The following ARL6IP4 variants were observed in gnomAD, a reference collection of about 807,000 sequenced individuals.
ARL6IP4 encodes the protein ADP-ribosylation factor-like protein 6-interacting protein 4.
Under a neutral mutation model 28.1 loss-of-function variants are expected in ARL6IP4, and 24 were observed. The ratio of observed to expected loss-of-function variants is 0.86; its 90% CI spans 0.62 to 1.20. ARL6IP4 has a LOEUF of 1.20. ARL6IP4 is among the 50% of genes most tolerant of loss of function. The pLI is 0.00. For missense variants in ARL6IP4, 343 were observed against 302.4 expected (o/e 1.13, Z -1.00); for synonymous variants, 162 against 122.3 (o/e 1.32, Z -2.14).
upstream of ARL6IP4, chr12:122,980,477 G>T: frequency 2.2e-6 from 3 of 1,364,624 alleles, no homozygotes; most frequent in South Asian, 1.9e-5. Context: ...TGCTGCGGGC[G>T]TGCGCCGAGA....
chr12:122,982,685 G>T lies in ARL6IP4; in HGVS notation c.*9G>T, dbSNP rs376742442. The T allele has an allele frequency of 2.5e-6, 4 of 1,613,020 alleles. No individual in the cohort carries two copies. The East Asian group carries it at 8.9e-5, about 36-fold the overall frequency. ...CTGGGTTGCTTCCCTGAGGGCCCCC[G>T]CTGGCCAAGGCCTGTGGACGACGCT... is the stretch of plus-strand genomic sequence containing the variant. On this transcript the variant is annotated 3_prime_UTR_variant, in exon 6 of 6. Transcript: ENST00000315580.
upstream of ARL6IP4, chr12:122,980,661 G>T (rs963674049): frequency 4.7e-5 from 65 of 1,375,548 alleles, no homozygotes; most frequent in Non-Finnish European, 5.9e-5. Context: ...AGCCTCCCGC[G>T]CAGCGCCCCG....
upstream of ARL6IP4, chr12:122,980,321 G>T: frequency 7.7e-7 from 1 of 1,295,762 alleles, no homozygotes. Context: ...ACGAGTTTGC[G>T]ACCTCTGAGT....
At chr12:122,980,468 G>T, upstream of ARL6IP4, 1 of 1,363,802 alleles carries the variant, frequency 7.3e-7, no homozygotes. Context: ...GGGCGTGGGT[G>T]CTGCGGGCGT....
chr12:122,980,553 C>T (rs1196158174), upstream of ARL6IP4: 5 of 1,353,166 alleles, frequency 3.7e-6, no homozygotes, highest in African/African-American at 1.5e-5. Flanking sequence ...AGCTCGAGGG[C>T]CGGCGCCCCT....
intron 4 of ARL6IP4, 89 bp downstream of exon 4, chr12:122,982,163 G>T: frequency 6.8e-7 from 1 of 1,476,258 alleles, no homozygotes; most frequent in Non-Finnish European, 9.4e-7. Flanking sequence ...GCCGGGCGGG[G>T]TTCCTGGTGC....
upstream of ARL6IP4, chr12:122,980,306 C>G: frequency 4.7e-6 from 6 of 1,285,594 alleles, no homozygotes; most frequent in Middle Eastern, 3.0e-4. Context: ...CTGGCCCCTA[C>G]GGACACGAGT....
In ARL6IP4 at chr12:122,981,998, C is replaced by T. The variant is rs139199990; in HGVS notation, c.511C>T (p.Pro171Ser). 3.7e-6 allele frequency: 6 copies of T among 1,613,618 alleles called. No individual in the cohort carries two copies. In the African/African-American group the frequency reaches 8.0e-5, roughly 22 times the overall value. The change falls in exon 4 of 6, where the codon CCC becomes TCC. Residue 171 changes from proline (P) to serine (S), a missense_variant. Transcript: ENST00000315580. ...EQKSRIQAMK[P>S]MTKEEWDARQ... ...GAAGTCCCGAATCCAGGCCATGAAGCCCATGACCAAGGAGGAGTGGGATGC... is the reference window on the plus strand; with the variant it reads ...GAAGTCCCGAATCCAGGCCATGAAGTCCATGACCAAGGAGGAGTGGGATGC...
Position 122,981,632 on chromosome 12 carries a change from C to G in ARL6IP4, c.222C>G (p.Ser74=). Residue 74 remains serine (S), a synonymous_variant, in exon 3 of 6, where the codon TCC becomes TCG. Coordinates refer to ENST00000315580, the MANE Select transcript of ARL6IP4 (RefSeq NM_018694.4). ...AGAAGGCCCGGAGGAGAACAAGATCCAGCTCCTCCTCCTCTTCTTCCAGTT... is the reference window on the plus strand; with the variant it reads ...AGAAGGCCCGGAGGAGAACAAGATCGAGCTCCTCCTCCTCTTCTTCCAGTT... ...SKQKARRRTR[S]SSSSSSSSSS... is the part of the protein sequence containing the mutation. 2 of 1,561,204 alleles carry G rather than the reference C, an allele frequency of 1.3e-6. No homozygotes were observed. The highest frequency in any genetic ancestry group is 1.7e-6 in the Non-Finnish European group (2 of 1,153,878).
chr12:122,981,360 C>G, intron 2 of ARL6IP4, 61 bp downstream of exon 2: 1 of 1,501,922 alleles, frequency 6.7e-7, no homozygotes, highest in Admixed American at 2.2e-5. Flanking sequence ...GTCGGGCGAG[C>G]AGTGGTCGGG....
At position 122,981,963 on chromosome 12, in the gene ARL6IP4, C is replaced by G. The variant is rs751613647; in HGVS notation, c.476C>G (p.Thr159Arg). ...AGEEEDGPVLTDEQKSRIQAM... is the reference protein window; with the variant it reads ...AGEEEDGPVLRDEQKSRIQAM... Reference sequence around the variant, plus strand: ...CCTCCGTCTTCCCTTCCAGTCCTGACGGATGAGCAGAAGTCCCGAATCCAG... The same window carrying G: ...CCTCCGTCTTCCCTTCCAGTCCTGAGGGATGAGCAGAAGTCCCGAATCCAG... Residue 159 changes from threonine (T) to arginine (R), a missense_variant, in exon 4 of 6, where the codon ACG becomes AGG. By Grantham distance (71) the Thr-to-Arg change is moderately conservative (BLOSUM62 -1). Coordinates refer to ENST00000315580, the MANE Select transcript of ARL6IP4 (RefSeq NM_018694.4). 1.2e-6 allele frequency: 2 copies of G among 1,613,700 alleles called. No homozygotes were observed. Among genetic ancestry groups the G allele is most frequent in the Non-Finnish European group, 8.5e-7 (1 of 1,180,020 alleles).
chr12:122,980,418 G>A (rs2135966293), upstream of ARL6IP4: 5 of 1,366,130 alleles, frequency 3.7e-6, no homozygotes, highest in Non-Finnish European at 4.7e-6. Context: ...CGGGGAGGAG[G>A]GCGGCGCGCG....
intron 2 of ARL6IP4, 111 bp from the exon 3 acceptor site, chr12:122,981,460 A>G (rs1594105990): frequency 7.2e-7 from 1 of 1,391,112 alleles, no homozygotes; most frequent in Non-Finnish European, 9.5e-7. Context: ...GGGAAGCTCC[A>G]TCTCTGTTCT....
At chr12:122,981,089 C>A in intron 1 of ARL6IP4, 40 bp from the exon 2 acceptor site, 8 of 1,539,340 alleles carry the variant, frequency 5.2e-6, no homozygotes, top group Non-Finnish European at 6.1e-6. Context: ...CGCGGCCGGC[C>A]TTGGGGGCTT....
chr12:122,980,753 C>G lies in ARL6IP4; in HGVS notation c.-12+8C>G. On this transcript the variant is annotated splice_region_variant and intron_variant, in intron 1 of 5. Transcript: ENST00000315580. ...GCCCGCAGGGCGGTCGAGGTGGGAA[C>G]GGAGCAGCCCCGGGGGCCCCCTTGA... 4 of 1,308,628 alleles carry G rather than the reference C, an allele frequency of 3.1e-6. No homozygotes were observed. Among genetic ancestry groups the G allele is most frequent in the Non-Finnish European group, 3.9e-6 (4 of 1,032,990 alleles). 81.1% of individuals were successfully genotyped at this position (1,308,628 alleles called of 1,614,324 possible). A position where few individuals can be genotyped will look rare whatever the true frequency, so the allele number is the denominator to read the frequency against.
rs2037759769 is a variant in ARL6IP4, at chr12:122,982,837, G to A, written c.*161G>A. ...CTCAGGGGCAGGGGGTGGAGGTTGG[G>A]GTCACCGGCCTGCTTGGCACCCCCA... On this transcript the variant is annotated 3_prime_UTR_variant, in exon 6 of 6. Coordinates refer to ENST00000315580, the MANE Select transcript of ARL6IP4 (RefSeq NM_018694.4). 1 of 736,008 alleles carries A rather than the reference G, an allele frequency of 1.4e-6. No homozygotes were observed. The highest frequency in any genetic ancestry group is 2.2e-6 in the Non-Finnish European group (1 of 449,278). 45.6% of individuals were successfully genotyped at this position (736,008 alleles called of 1,614,324 possible). A position where few individuals can be genotyped will look rare whatever the true frequency, so the allele number is the denominator to read the frequency against.
At position 122,982,533 on chromosome 12, in the gene ARL6IP4, A is replaced by C. The variant is rs769837734; in HGVS notation, c.652A>C (p.Asn218His). The C allele has an allele frequency of 6.2e-7, 1 of 1,614,134 alleles. No individual in the cohort carries two copies. The highest frequency in any genetic ancestry group is 1.1e-5 in the South Asian group (1 of 91,074). ...AACCAAAGAACGACACAGAGAGATC[A>C]ACAAGGTGGGTGTGGCCCCTCTGCC... ...IVTKERHREI[N>H]KQATRGDCLA... The change falls in exon 5 of 6, where the codon AAC (asparagine) becomes CAC (histidine). Residue 218 changes from asparagine to histidine, a missense_variant. Asn to His is a moderately conservative substitution (Grantham distance 68). Transcript: ENST00000315580.
At position 122,982,826 on chromosome 12, in the gene ARL6IP4, G is replaced by A; in HGVS notation, c.*150G>A. The A allele has an allele frequency of 4.8e-6, 4 of 832,788 alleles. No individual in the cohort carries two copies. Among genetic ancestry groups the A allele is most frequent in the South Asian group, 1.6e-5 (1 of 61,268 alleles). The allele number at this position is 832,788 out of a possible 1,614,324, so 51.6% of individuals were successfully genotyped here. A position where few individuals can be genotyped will look rare whatever the true frequency, so the allele number is the denominator to read the frequency against. On this transcript the variant is annotated 3_prime_UTR_variant, in exon 6 of 6. Coordinates refer to ENST00000315580, the MANE Select transcript of ARL6IP4 (RefSeq NM_018694.4). ...CCCAGTCTCTTCTCAGGGGCAGGGG[G>A]TGGAGGTTGGGGTCACCGGCCTGCT...
At chr12:122,980,917 G>GGCGGGCCCTTAACAGGCACCGCT (rs2037615979) in intron 1 of ARL6IP4, 172 bp downstream of exon 1, 1 of 1,370,716 alleles carries the variant, frequency 7.3e-7, no homozygotes, top group African/African-American at 1.5e-5. Flanking sequence ...CCGGGCACGG[G>GGCGGGCCCTTAACAGGCACCGCT]GCGGGCCCTT....
Sources: gnomAD v4.1 joint callset for allele counts on GRCh38, gnomAD v4.1.1 for gene constraint, MANE v1.5 for transcripts, NCBI Gene and HGNC (gene_info 2026-07-23, HGNC 2026-07-21) for gene names.